Variants in PPP1R16B observed in about 807,000 individuals in gnomAD.
PPP1R16B encodes the protein protein phosphatase 1 regulatory subunit 16B.
In PPP1R16B, 14 loss-of-function variants were observed where a neutral mutation model predicts 61.7. That is an observed-to-expected ratio of 0.23 (90% CI 0.15 to 0.35). The LOEUF (loss-of-function observed/expected upper bound fraction) is 0.35. Among genes scored for constraint, PPP1R16B ranks in the 10% least tolerant of loss-of-function variants. The probability of loss-of-function intolerance (pLI) is 1.00; values close to 1 mark genes in which losing one functional copy is unlikely to be tolerated. For synonymous variants in PPP1R16B, 266 were observed against 305.3 expected, an observed-to-expected ratio of 0.87 and a Z score of 1.34; for missense variants, 547 against 752.5, an observed-to-expected ratio of 0.73 and a Z score of 3.19.
intron 2 of PPP1R16B, among the ~76,000 whole-genome samples, chr20:38,888,598 G>T (rs1194392859): frequency 6.6e-6 from 1 of 152,168 alleles, no homozygotes; most frequent in Non-Finnish European, 1.5e-5. Flanking sequence ...CATCCACGGG[G>T]AGAGGCAAAG....
rs1032014858 is a variant in PPP1R16B at position 38,808,699 on chromosome 20, G to A, written c.-102+2907G>A. 3.3e-5 allele frequency among the ~76,000 whole-genome samples: 5 copies of A among 152,120 alleles called. No homozygotes were observed. In the South Asian group the frequency reaches 1.0e-3, roughly 32 times the overall value. ...GTATCACAGTAATGCCTACTTTGTGGGATTGTAAGGATTCCATGAGACCAT... is the reference window on the plus strand; with the variant it reads ...GTATCACAGTAATGCCTACTTTGTGAGATTGTAAGGATTCCATGAGACCAT... On this transcript the variant is annotated intron_variant, in intron 1 of 10. Coordinates refer to ENST00000299824, the MANE Select transcript of PPP1R16B (RefSeq NM_015568.4).
intron 3 of PPP1R16B, 56 bp downstream of exon 3, chr20:38,889,721 C>A: frequency 6.7e-7 from 1 of 1,495,026 alleles, no homozygotes; most frequent in Non-Finnish European, 9.3e-7. Flanking sequence ...TGGACAGGTA[C>A]CCTGTTTCTC....
chr20:38,918,824 C>A lies in PPP1R16B; in HGVS notation c.*158C>A. The A allele has an allele frequency of 1.1e-6, 1 of 879,636 alleles. No homozygotes were observed. Among genetic ancestry groups the A allele is most frequent in the Non-Finnish European group, 1.6e-6 (1 of 635,966 alleles). 54.5% of individuals were successfully genotyped at this position (879,636 alleles called of 1,614,324 possible). On this transcript the variant is annotated 3_prime_UTR_variant, in exon 11 of 11. Transcript: ENST00000299824. The surrounding 1 kb of genome is among the most constrained non-coding windows in gnomAD (Gnocchi z 5.3). The stretch of plus-strand genomic sequence containing the variant: ...CCAGCCCTCAGCTGGCTGCCCATAG[C>A]ATCCCATGTCCCACGTCCCGTGGTT...
chr20:38,814,561 T>C (rs560856058), intron 1 of PPP1R16B, among the ~76,000 whole-genome samples: 1 of 152,310 alleles, frequency 6.6e-6, no homozygotes, highest in East Asian at 1.9e-4. Context: ...ACCTGATACA[T>C]GCCAACTATT....
intron 1 of PPP1R16B, among the ~76,000 whole-genome samples, chr20:38,820,913 C>T (rs919169443): frequency 3.3e-5 from 5 of 149,672 alleles, no homozygotes; most frequent in East Asian, 2.0e-4. Context: ...TGGTGGCAGG[C>T]GCCTGTAGTC....
chr20:38,911,663 A>T (rs2085491480), intron 10 of PPP1R16B, among the ~76,000 whole-genome samples: 1 of 151,690 alleles, frequency 6.6e-6, no homozygotes. Flanking sequence ...CAGCCTCCTG[A>T]GTAGCTGGGA....
chr20:38,823,508 G>A (rs567977023), intron 1 of PPP1R16B, among the ~76,000 whole-genome samples: 1 of 152,140 alleles, frequency 6.6e-6, no homozygotes, highest in Non-Finnish European at 1.5e-5. Context: ...GGGCAGAGTG[G>A]CACTTGCCTG....
chr20:38,896,165 TCCTTCCTTCTTTCTTCCCTC>T (rs796560459), intron 4 of PPP1R16B, among the ~76,000 whole-genome samples: 1,027 of 101,886 alleles, frequency 0.01, 23 homozygotes, highest in African/African-American at 0.039. Context: ...CTCCCTCCCT[TCCTTCCTTCTTTCTTCCCTC>T]CCTTCCTTCT....
chr20:38,849,392 G>A (rs373552528), intron 2 of PPP1R16B, among the ~76,000 whole-genome samples: 4 of 152,014 alleles, frequency 2.6e-5, no homozygotes, highest in Non-Finnish European at 5.9e-5. Context: ...AACTACTTCC[G>A]TTCCTTTTCA....
intron 2 of PPP1R16B, among the ~76,000 whole-genome samples, chr20:38,852,747 C>CT (rs1185726609): frequency 0.52 from 16,440 of 31,518 alleles, 6,150 homozygotes; most frequent in East Asian, 0.57. Flanking sequence ...CCACTGTTTC[C>CT]TTTTTTTTTT....
At chr20:38,854,111 C>G (rs1405648297) in intron 2 of PPP1R16B, among the ~76,000 whole-genome samples, 1 of 152,168 alleles carries the variant, frequency 6.6e-6, no homozygotes, top group Non-Finnish European at 1.5e-5. Flanking sequence ...TGTGATAACC[C>G]TGGGCACATC....
At chr20:38,812,402 AC>A (rs2084706952) in intron 1 of PPP1R16B, among the ~76,000 whole-genome samples, 1 of 152,170 alleles carries the variant, frequency 6.6e-6, no homozygotes, top group Non-Finnish European at 1.5e-5. Context: ...GCTATTTTCC[AC>A]TGACATTTAC....
chr20:38,887,317 A>G (rs1003619938), intron 2 of PPP1R16B, among the ~76,000 whole-genome samples: 1 of 152,220 alleles, frequency 6.6e-6, no homozygotes, highest in African/African-American at 2.4e-5. Context: ...CAAGTTGTGT[A>G]CTGGACAGCT....
chr20:38,809,998 A>C (rs1267110854), intron 1 of PPP1R16B, among the ~76,000 whole-genome samples: 1 of 151,552 alleles, frequency 6.6e-6, no homozygotes, highest in Non-Finnish European at 1.5e-5. Context: ...AAAAAAAAAA[A>C]AAAAAAAACA....
At chr20:38,818,727 G>A (rs1258111631) in intron 1 of PPP1R16B, among the ~76,000 whole-genome samples, 1 of 151,854 alleles carries the variant, frequency 6.6e-6, no homozygotes, top group Admixed American at 6.6e-5. Context: ...GGCAGTGGTC[G>A]AGTGTGTAGG....
At chr20:38,868,966 G>A (rs2145742971) in intron 2 of PPP1R16B, among the ~76,000 whole-genome samples, 1 of 152,176 alleles carries the variant, frequency 6.6e-6, no homozygotes, top group East Asian at 1.9e-4. Context: ...AATCACATAT[G>A]TGGCCTATGT....
chr20:38,857,624 A>G (rs2085017109), intron 2 of PPP1R16B, among the ~76,000 whole-genome samples: 1 of 152,222 alleles, frequency 6.6e-6, no homozygotes, highest in South Asian at 2.1e-4. Context: ...CAAATACACC[A>G]TCTTTGTCTC....
intron 4 of PPP1R16B, 30 bp from the exon 5 acceptor site, chr20:38,900,551 T>C (rs2085383844): frequency 1.3e-6 from 2 of 1,578,966 alleles, no homozygotes; most frequent in African/African-American, 2.7e-5. Context: ...CCACACCTAC[T>C]TGGCCCTCAC....
chr20:38,902,975 G>A (rs1205482766), intron 6 of PPP1R16B, among the ~76,000 whole-genome samples, 183 bp downstream of exon 6: 1 of 152,242 alleles, frequency 6.6e-6, no homozygotes, highest in Admixed American at 6.5e-5. Context: ...GCCTCTTTGA[G>A]AACCTGGCCT....
Sources: gnomAD v4.1 joint callset for allele counts (sites outside exome capture counted in the v4.1 genomes callset) on GRCh38, gnomAD v4.1.1 for gene constraint, Gnocchi (gnomAD v3.1) non-coding constraint, MANE v1.5 for transcripts, NCBI Gene and HGNC (gene_info 2026-07-23, HGNC 2026-07-21) for gene names.